The following DNAI7 variants were observed in gnomAD, a reference collection of about 807,000 sequenced individuals.
DNAI7 encodes cancer susceptibility 1.
In DNAI7, 78 loss-of-function variants were observed where a neutral mutation model predicts 86.6. That is an observed-to-expected ratio of 0.90 (90% CI 0.75 to 1.09). The LOEUF is 1.09. DNAI7 is among the 50% of genes least tolerant of loss of function. DNAI7 has a pLI of 0.00. For missense variants in DNAI7, 753 were observed against 810.2 expected, an observed-to-expected ratio of 0.93 and a Z score of 0.86; for synonymous variants, 274 against 273.0, an observed-to-expected ratio of 1.00 and a Z score of -0.04.
chr12:25,162,471 G>A (rs138643483), intron 2 of DNAI7, among the ~76,000 whole-genome samples: 19 of 152,258 alleles, frequency 1.2e-4, no homozygotes, highest in African/African-American at 4.1e-4. Context: ...CTGTGATAAC[G>A]ACCTCTCCTC....
At chr12:25,128,598 ACT>A (rs1174183289) in intron 9 of DNAI7, among the ~76,000 whole-genome samples, 2 of 151,340 alleles carry the variant, frequency 1.3e-5, no homozygotes, top group Non-Finnish European at 2.9e-5. Flanking sequence ...CCCAAACAGA[ACT>A]CTTTGTTTCA....
chr12:25,176,392 A>T (rs1258005923), intron 2 of DNAI7, among the ~76,000 whole-genome samples: 1 of 152,072 alleles, frequency 6.6e-6, no homozygotes, highest in Non-Finnish European at 1.5e-5. Context: ...GAATAAAGTA[A>T]CATATTATAA....
chr12:25,190,116 A>G (rs1457183221), intron 2 of DNAI7, among the ~76,000 whole-genome samples: 1 of 152,148 alleles, frequency 6.6e-6, no homozygotes, highest in Non-Finnish European at 1.5e-5. Context: ...AAGAGAGAAA[A>G]AGGCATTCTG....
At chr12:25,190,673 A>T (rs779860945) in intron 1 of DNAI7, 42 bp from the exon 2 acceptor site, 1 of 1,202,770 alleles carries the variant, frequency 8.3e-7, no homozygotes, top group South Asian at 1.6e-5. Context: ...TTTTAAAGAC[A>T]ATTCTGATAC....
intron 1 of DNAI7, among the ~76,000 whole-genome samples, chr12:25,193,197 G>T (rs75639553): frequency 0.041 from 6,296 of 151,922 alleles, 432 homozygotes; most frequent in African/African-American, 0.14. Flanking sequence ...CTGATCCCCA[G>T]TACTTCAGAA....
At position 25,111,596 on chromosome 12, in the gene DNAI7, T is replaced by C. The variant is rs541972495; in HGVS notation, c.1779+176A>G. On this transcript the variant is annotated intron_variant, in intron 14 of 15. Transcript: ENST00000395987. ...TATGAAGATCGCACTACAGGCTTACTTTCTTAGGGAAAATTAAGAGAACCC... is the reference window on the plus strand; with the variant it reads ...TATGAAGATCGCACTACAGGCTTACCTTCTTAGGGAAAATTAAGAGAACCC... Among the ~76,000 whole-genome samples, 6 of 152,326 alleles carry C rather than the reference T, an allele frequency of 3.9e-5. No homozygotes were observed. The South Asian group carries it at 1.0e-3, about 26-fold the overall frequency.
chr12:25,185,194 T>C (rs979222050), intron 2 of DNAI7, among the ~76,000 whole-genome samples: 2 of 152,100 alleles, frequency 1.3e-5, no homozygotes, highest in Admixed American at 6.6e-5. Context: ...CCATTACTTC[T>C]TTGGTTTATG....
At chr12:25,147,480 C>CCCCT (rs200899743) in intron 7 of DNAI7, among the ~76,000 whole-genome samples, 10 of 150,474 alleles carry the variant, frequency 6.6e-5, no homozygotes, top group East Asian at 3.9e-4. Flanking sequence ...AATGAGACCA[C>CCCCT]CCCCATCTCT....
At chr12:25,118,745 G>A (rs1389294580) in intron 12 of DNAI7, among the ~76,000 whole-genome samples, 1 of 151,878 alleles carries the variant, frequency 6.6e-6, no homozygotes, top group Non-Finnish European at 1.5e-5. Context: ...TAATGTTTTA[G>A]TAGAGAGGTG....
rs140137792 is a variant in DNAI7 at position 25,164,820 on chromosome 12, C to T, written c.22-3623G>A. The stretch of plus-strand genomic sequence containing the variant: ...CTGACTTCTCCCCTCCTCACCAGGC[C>T]GAGCTAGGTCACAATTCTTCCTCAG... On this transcript the variant is annotated intron_variant, in intron 2 of 15. Coordinates refer to ENST00000395987, the MANE Select transcript of DNAI7 (RefSeq NM_018272.5). Among the ~76,000 whole-genome samples, 935 of 151,914 alleles carry T rather than the reference C, an allele frequency of 6.2e-3. 10 individuals are homozygous for T. The highest frequency in any genetic ancestry group is 0.021 in the African/African-American group (873 of 41,416).
chr12:25,137,473 TAAAAAC>T (rs967676053), intron 9 of DNAI7, among the ~76,000 whole-genome samples: 7 of 151,340 alleles, frequency 4.6e-5, no homozygotes, highest in Non-Finnish European at 8.8e-5. Flanking sequence ...TAACACAACA[TAAAAAC>T]AAAACAAAAA....
Position 25,114,824 on chromosome 12 carries a change from T to C in DNAI7, c.1443A>G (p.Pro481=). The change falls in exon 13 of 16, where the codon CCA becomes CCG. Residue 481 remains proline (P), a synonymous_variant. Transcript: ENST00000395987. ...TDGISNVSYK[P]KERLVTFSLD... is the part of the protein sequence containing the mutation. ...GGCTGAATGTTACAAGTCTTTCTTTTGGTTTGTAGGATACATTGCTGATGC... is the reference window on the plus strand; with the variant it reads ...GGCTGAATGTTACAAGTCTTTCTTTCGGTTTGTAGGATACATTGCTGATGC... The C allele has an allele frequency of 6.2e-6, 10 of 1,614,160 alleles. No individual in the cohort carries two copies. The highest frequency in any genetic ancestry group is 7.6e-6 in the Non-Finnish European group (9 of 1,180,002).
chr12:25,118,992 T>C (rs139341105), intron 12 of DNAI7, among the ~76,000 whole-genome samples, 153 bp downstream of exon 12: 10 of 152,390 alleles, frequency 6.6e-5, no homozygotes, highest in African/African-American at 1.9e-4. Context: ...CCAACACTTA[T>C]TCATTTCCAT....
At chr12:25,152,194 C>G (rs1460600442) in intron 6 of DNAI7, among the ~76,000 whole-genome samples, 1 of 152,122 alleles carries the variant, frequency 6.6e-6, no homozygotes, top group African/African-American at 2.4e-5. Context: ...TATAATAAGC[C>G]CTTTTCAACC....
rs1277025810 is a variant in DNAI7, at chr12:25,157,139, G to A, written c.198+1333C>T. Among the ~76,000 whole-genome samples, 5 of 152,020 alleles carry A rather than the reference G, an allele frequency of 3.3e-5. No individual in the cohort carries two copies. The East Asian group carries it at 7.8e-4, about 24-fold the overall frequency. On this transcript the variant is annotated intron_variant, in intron 4 of 15. Coordinates refer to ENST00000395987, the MANE Select transcript of DNAI7 (RefSeq NM_018272.5). ...AAAATACAAAAAACATTAGCCAGGC[G>A]CAGTGGCGGGTGCCTGTAGTCCCAG...
chr12:25,127,080 C>G (rs2140533227), intron 9 of DNAI7, among the ~76,000 whole-genome samples: 1 of 143,400 alleles, frequency 7.0e-6, no homozygotes, highest in Non-Finnish European at 1.6e-5. Context: ...AAAAATTGTA[C>G]TACTCTTTAG....
intron 2 of DNAI7, among the ~76,000 whole-genome samples, chr12:25,169,562 CAG>C (rs1484065384): frequency 6.6e-6 from 1 of 152,136 alleles, no homozygotes; most frequent in African/African-American, 2.4e-5. Context: ...TTAAAAGACA[CAG>C]AGGCCAGGAG....
At chr12:25,136,919 A>G (rs946563785) in intron 9 of DNAI7, among the ~76,000 whole-genome samples, 29 of 152,190 alleles carry the variant, frequency 1.9e-4, no homozygotes, top group African/African-American at 7.0e-4. Context: ...GGGATTATGT[A>G]AACAACCAAA....
At chr12:25,127,546 A>G (rs1353806470) in intron 9 of DNAI7, among the ~76,000 whole-genome samples, 1 of 152,208 alleles carries the variant, frequency 6.6e-6, no homozygotes, top group Non-Finnish European at 1.5e-5. Flanking sequence ...ATTTAAAGTA[A>G]ATAACAATTT....
Sources: gnomAD v4.1 joint callset for allele counts (sites outside exome capture counted in the v4.1 genomes callset) on GRCh38, gnomAD v4.1.1 for gene constraint, MANE v1.5 for transcripts, NCBI Gene and HGNC (gene_info 2026-07-23, HGNC 2026-07-21) for gene names.